The following SLC4A4 variants were observed in gnomAD, a reference collection of about 807,000 sequenced individuals.
SLC4A4 encodes electrogenic sodium bicarbonate cotransporter 1.
SLC4A4 carries 27 observed loss-of-function variants against 111.5 expected under a neutral mutation model. That is an observed-to-expected ratio of 0.24 (90% CI 0.18 to 0.33). The LOEUF is 0.33. SLC4A4 is among the 10% of genes least tolerant of loss of function. SLC4A4 has a pLI of 1.00. For missense variants in SLC4A4, 909 were observed against 1,315.5 expected (o/e 0.69, Z 4.78); for synonymous variants, 443 against 463.4 (o/e 0.96, Z 0.57).
chr4:71,163,909 C>T (rs1744670080), intron 2 of SLC4A4, among the ~76,000 whole-genome samples: 1 of 152,194 alleles, frequency 6.6e-6, no homozygotes, highest in East Asian at 1.9e-4. Flanking sequence ...TAAGTATACA[C>T]TCATGAAATA....
At position 71,571,226 on chromosome 4, in the gene SLC4A4, G is replaced by T. The variant is rs1737918128; in HGVS notation, c.*3475G>T. 1 of 152,212 alleles carries T rather than the reference G, an allele frequency of 6.6e-6. No individual in the cohort carries two copies. Among genetic ancestry groups the T allele is most frequent in the Non-Finnish European group, 1.5e-5 (1 of 67,882 alleles). The allele number at this position is 152,212 out of a possible 1,614,324, so 9.4% of individuals were successfully genotyped here. On this transcript the variant is annotated 3_prime_UTR_variant, in exon 26 of 26. Transcript: ENST00000264485. ...AAATAATTTGAGTTGTATTACAGAG[G>T]TTGACATTGTTCAGGGATGGGACAA...
intron 2 of SLC4A4, among the ~76,000 whole-genome samples, chr4:71,174,403 A>G (rs1393605558): frequency 6.6e-6 from 1 of 151,944 alleles, no homozygotes; most frequent in Non-Finnish European, 1.5e-5. Flanking sequence ...GGTGTGCACC[A>G]CTACGCCCAG....
chr4:71,107,147 T>G (rs922295724), intron 2 of SLC4A4, among the ~76,000 whole-genome samples: 2 of 151,642 alleles, frequency 1.3e-5, no homozygotes, highest in South Asian at 4.1e-4. Context: ...AGATAGCATA[T>G]AGATAGCATA....
intron 3 of SLC4A4, among the ~76,000 whole-genome samples, chr4:71,283,722 T>C (rs1723705350): frequency 6.6e-6 from 1 of 152,218 alleles, no homozygotes; most frequent in Admixed American, 6.5e-5. Flanking sequence ...AGATTGTGTA[T>C]GAAACTTTGA....
chr4:71,330,421 A>C (rs557014574), intron 3 of SLC4A4, among the ~76,000 whole-genome samples: 1 of 152,180 alleles, frequency 6.6e-6, no homozygotes, highest in Non-Finnish European at 1.5e-5. Context: ...GCCCTCAGAA[A>C]TAATACCACA....
chr4:71,227,573 T>C (rs1301882835), intron 1 of SLC4A4, among the ~76,000 whole-genome samples: 1 of 152,172 alleles, frequency 6.6e-6, no homozygotes, highest in Non-Finnish European at 1.5e-5. Flanking sequence ...ATATTCCCTT[T>C]CCCGTGATTG....
chr4:71,390,033 A>G (rs981508105), intron 6 of SLC4A4, among the ~76,000 whole-genome samples: 2 of 152,204 alleles, frequency 1.3e-5, no homozygotes, highest in Admixed American at 1.3e-4. Flanking sequence ...TCTAATATTT[A>G]AAATATTTTT....
Position 71,089,986 on chromosome 4 carries a change from C to T in SLC4A4, c.-64-2744C>T, listed in dbSNP as rs535534734. On this transcript the variant is annotated intron_variant, in intron 1 of 26. Coordinates refer to the SLC4A4 transcript ENST00000649996. ...TGCCTTTTGTTTGGCTATGCCCTGCCCCCAGAGGTGGAGTCTACAGAGGCA... is the reference window on the plus strand; with the variant it reads ...TGCCTTTTGTTTGGCTATGCCCTGCTCCCAGAGGTGGAGTCTACAGAGGCA... 4.4e-4 allele frequency among the ~76,000 whole-genome samples: 66 copies of T among 148,600 alleles called. 2 individuals carry two copies. Among genetic ancestry groups the T allele is most frequent in the African/African-American group, 1.5e-3 (61 of 40,724 alleles).
intron 2 of SLC4A4, among the ~76,000 whole-genome samples, chr4:71,165,639 C>A (rs1438806111): frequency 5.9e-5 from 9 of 152,004 alleles, no homozygotes; most frequent in Admixed American, 5.9e-4. Context: ...ACCACCATGG[C>A]ACATGTATAG....
chr4:71,471,113 C>CAT (rs948164949), intron 13 of SLC4A4, among the ~76,000 whole-genome samples: 1 of 151,940 alleles, frequency 6.6e-6, no homozygotes, highest in African/African-American at 2.4e-5. Flanking sequence ...TTTGAGCTAT[C>CAT]ATAGGAACAG....
intron 6 of SLC4A4, 40 bp downstream of exon 6, chr4:71,357,227 A>C (rs1373627526): frequency 6.3e-7 from 1 of 1,588,432 alleles, no homozygotes; most frequent in Non-Finnish European, 8.6e-7. Context: ...TCTCTTACTT[A>C]TTTCACTCAC....
chr4:71,351,574 G>A (rs1031050396), intron 5 of SLC4A4, among the ~76,000 whole-genome samples: 8 of 152,172 alleles, frequency 5.3e-5, no homozygotes, highest in African/African-American at 1.9e-4. Context: ...GAAAAGTATC[G>A]CTGGGCGTGG....
intron 1 of SLC4A4, among the ~76,000 whole-genome samples, chr4:71,197,450 A>G (rs1746059073): frequency 6.6e-6 from 1 of 152,204 alleles, no homozygotes; most frequent in Non-Finnish European, 1.5e-5. Context: ...TTTGAGTTGG[A>G]TAAATTTTAC....
At chr4:71,142,923 T>C (rs920336344) in intron 2 of SLC4A4, among the ~76,000 whole-genome samples, 2 of 151,982 alleles carry the variant, frequency 1.3e-5, no homozygotes, top group African/African-American at 2.4e-5. Flanking sequence ...GTGAAGTACC[T>C]GGTTTTTCCA....
At chr4:71,564,233 CTGTT>C (rs3217637) in intron 24 of SLC4A4, among the ~76,000 whole-genome samples, 105,182 of 150,796 alleles carry the variant, frequency 0.7, 37,438 homozygotes, top group Middle Eastern at 0.81. Flanking sequence ...ATCACTGTCA[CTGTT>C]TGTCTTCCTT....
At chr4:71,272,354 G>A (rs1722759002) in intron 3 of SLC4A4, among the ~76,000 whole-genome samples, 1 of 152,012 alleles carries the variant, frequency 6.6e-6, no homozygotes, top group Non-Finnish European at 1.5e-5. Context: ...AGCCCAATAA[G>A]GAAGGTACTT....
chr4:71,474,676 A>G (rs2149111166), intron 14 of SLC4A4, among the ~76,000 whole-genome samples: 1 of 151,322 alleles, frequency 6.6e-6, no homozygotes, highest in East Asian at 2.0e-4. Context: ...GTTAAGATAA[A>G]TTAGCACACA....
intron 23 of SLC4A4, among the ~76,000 whole-genome samples, chr4:71,561,231 CTTG>C (rs890565963): frequency 1.3e-5 from 2 of 151,746 alleles, no homozygotes; most frequent in Non-Finnish European, 3.0e-5. Flanking sequence ...GTCTCAATAG[CTTG>C]TTATCACATT....
At chr4:71,489,039 A>G (rs1729669864) in intron 15 of SLC4A4, among the ~76,000 whole-genome samples, 1 of 81,448 alleles carries the variant, frequency 1.2e-5, no homozygotes, top group Non-Finnish European at 3.4e-5. Flanking sequence ...TAAATGACTC[A>G]GAAATGAGTT....
Sources: gnomAD v4.1 joint callset for allele counts (sites outside exome capture counted in the v4.1 genomes callset) on GRCh38, gnomAD v4.1.1 for gene constraint, MANE v1.5 for transcripts, NCBI Gene and HGNC (gene_info 2026-07-23, HGNC 2026-07-21) for gene names.